BMAL2: variants seen among roughly 807,000 people sequenced by gnomAD.
BMAL2 encodes the protein basic helix-loop-helix ARNT like 2.
chr12:27,408,666 C>T, the BMAL2 span, among the ~76,000 whole-genome samples: 2 of 152,180 alleles, frequency 1.3e-5, no homozygotes, highest in African/African-American at 4.8e-5. Context: ...TGGAAGCATT[C>T]CCTTTGAAAA....
the BMAL2 span, among the ~76,000 whole-genome samples, chr12:27,409,441 C>G: frequency 6.6e-6 from 1 of 152,288 alleles, no homozygotes; most frequent in Admixed American, 6.5e-5. Flanking sequence ...AATAATGCCA[C>G]ATATCTACAA....
chr12:27,370,150 A>G, the BMAL2 span: 4 of 1,613,998 alleles, frequency 2.5e-6, no homozygotes, highest in East Asian at 4.5e-5. Context: ...TGACAGAAAA[A>G]GTGGTGGAAA....
chr12:27,336,921 G>C, the BMAL2 span, among the ~76,000 whole-genome samples: 1 of 136,756 alleles, frequency 7.3e-6, no homozygotes, highest in East Asian at 2.1e-4. Flanking sequence ...CTGCACTCCA[G>C]CCTGGGTGAC....
the BMAL2 span, among the ~76,000 whole-genome samples, chr12:27,360,821 A>AAAAAAAAAAAAAAAC: frequency 6.7e-6 from 1 of 149,584 alleles, no homozygotes; most frequent in Non-Finnish European, 1.5e-5. Context: ...AAAAAAAAAA[A>AAAAAAAAAAAAAAAC]AAAACAGTAC....
At chr12:27,335,564 A>C in the BMAL2 span, among the ~76,000 whole-genome samples, 1 of 152,218 alleles carries the variant, frequency 6.6e-6, no homozygotes, top group Non-Finnish European at 1.5e-5. Context: ...TCAGAAATCA[A>C]ACGTCATGTC....
chr12:27,347,159 A>G, the BMAL2 span, among the ~76,000 whole-genome samples: 2 of 152,198 alleles, frequency 1.3e-5, no homozygotes, highest in Non-Finnish European at 2.9e-5. Context: ...TAGCAACACT[A>G]GGTGGACTAA....
the BMAL2 span, among the ~76,000 whole-genome samples, chr12:27,357,227 T>A: frequency 6.6e-6 from 1 of 152,200 alleles, no homozygotes; most frequent in Admixed American, 6.5e-5. Context: ...TGTGCAAATA[T>A]CTTTTTTATA....
the BMAL2 span, among the ~76,000 whole-genome samples, chr12:27,378,597 T>C: frequency 6.6e-6 from 1 of 152,256 alleles, no homozygotes; most frequent in Non-Finnish European, 1.5e-5. Flanking sequence ...AAACTGGAGA[T>C]GAAGACATGA....
the BMAL2 span, among the ~76,000 whole-genome samples, chr12:27,360,803 C>CAAAAAAAAAAAAAAAAAAAAAAAAAA: frequency 4.3e-4 from 20 of 46,792 alleles, 5 homozygotes; most frequent in Non-Finnish European, 6.5e-4. Flanking sequence ...GTGATTTGTC[C>CAAAAAAAAAAAAAAAAAAAAAAAAAA]AAAAAAAAAA....
the BMAL2 span, among the ~76,000 whole-genome samples, chr12:27,367,619 A>G: frequency 6.6e-6 from 1 of 152,058 alleles, no homozygotes; most frequent in East Asian, 1.9e-4. Context: ...GTTTTCTACC[A>G]TATTCAAATT....
At chr12:27,393,223 A>G in the BMAL2 span, among the ~76,000 whole-genome samples, 3 of 152,248 alleles carry the variant, frequency 2.0e-5, no homozygotes, top group Non-Finnish European at 4.4e-5. Flanking sequence ...CTGATCTTCC[A>G]ACCAAATCCA....
chr12:27,335,248 C>A, the BMAL2 span, among the ~76,000 whole-genome samples: 1 of 152,042 alleles, frequency 6.6e-6, no homozygotes, highest in African/African-American at 2.4e-5. Flanking sequence ...CAGTGTAAAC[C>A]AAACTATGGG....
chr12:27,379,192 T>C, the BMAL2 span, among the ~76,000 whole-genome samples: 2 of 152,184 alleles, frequency 1.3e-5, no homozygotes, highest in African/African-American at 4.8e-5. Context: ...ATAAACCCTA[T>C]AAATCAGGAG....
the BMAL2 span, among the ~76,000 whole-genome samples, chr12:27,338,470 C>CA: frequency 9.4e-3 from 1,171 of 124,346 alleles, 13 homozygotes; most frequent in Admixed American, 0.016. Flanking sequence ...GAGAGGCAGC[C>CA]AAAAAAAAAA....
the BMAL2 span, among the ~76,000 whole-genome samples, chr12:27,347,598 G>A: frequency 4.5e-3 from 680 of 152,234 alleles, 2 homozygotes; most frequent in Non-Finnish European, 6.8e-3. Context: ...ATCCATATAG[G>A]GGAATAGACT....
the BMAL2 span, among the ~76,000 whole-genome samples, chr12:27,336,823 C>T: frequency 6.6e-6 from 1 of 151,600 alleles, no homozygotes; most frequent in Non-Finnish European, 1.5e-5. Context: ...GTTGGTGGTG[C>T]GTGCCTGTAA....
the BMAL2 span, among the ~76,000 whole-genome samples, chr12:27,394,055 C>T: frequency 6.6e-6 from 1 of 152,254 alleles, no homozygotes; most frequent in South Asian, 2.1e-4. Context: ...CCTCAGCCTC[C>T]CAAGTAGCTG....
the BMAL2 span, among the ~76,000 whole-genome samples, chr12:27,366,256 G>A: frequency 1.3e-4 from 20 of 151,982 alleles, no homozygotes; most frequent in African/African-American, 4.8e-4. Flanking sequence ...TCCATAGTTG[G>A]CCAAAAACAA....
chr12:27,341,633 C>T, the BMAL2 span, among the ~76,000 whole-genome samples: 4 of 152,126 alleles, frequency 2.6e-5, no homozygotes, highest in South Asian at 2.1e-4. Flanking sequence ...CACATTTATT[C>T]GGCATAATGA....
Sources: allele counts gnomAD v4.1 joint callset (sites outside exome capture counted in the v4.1 genomes callset), GRCh38; gene constraint gnomAD v4.1.1; transcripts MANE v1.5; gene names NCBI Gene and HGNC (gene_info 2026-07-23, HGNC 2026-07-21).